The following CENPE variants were observed in gnomAD, a reference collection of about 807,000 sequenced individuals.
The protein encoded by CENPE is centromere-associated protein E.
In CENPE, 145 loss-of-function variants were observed where a neutral mutation model predicts 336.1. The ratio of observed to expected loss-of-function variants is 0.43; its 90% confidence interval spans 0.38 to 0.50. CENPE has a LOEUF of 0.50. Ranked by LOEUF, CENPE falls within the 20% of genes least tolerant of loss-of-function variation. The pLI is 0.00. For synonymous variants in CENPE, 1,013 were observed against 984.8 expected, an observed-to-expected ratio of 1.03 and a Z score of -0.54; for missense variants, 2,719 against 3,023.3, an observed-to-expected ratio of 0.90 and a Z score of 2.36.
chr4:103,175,038 T>C (rs1214839260), intron 15 of CENPE, 135 bp from the exon 16 acceptor site: 41 of 518,428 alleles, frequency 7.9e-5, no homozygotes, highest in Non-Finnish European at 1.2e-4. Context: ...TTTGGCAAAC[T>C]AGCTAACTTA....
intron 22 of CENPE, 36 bp downstream of exon 22, chr4:103,158,974 T>G (rs540751277): frequency 6.5e-7 from 1 of 1,532,606 alleles, no homozygotes; most frequent in African/African-American, 1.4e-5. Flanking sequence ...CCCAGAAGAC[T>G]AAGGAGCATT....
intron 16 of CENPE, 119 bp downstream of exon 16, chr4:103,174,615 AAC>A (rs1196591715): frequency 6.2e-6 from 4 of 650,140 alleles, no homozygotes; most frequent in Non-Finnish European, 7.3e-6. Context: ...GTATACAATA[AAC>A]ACATAAAATG....
rs139594258 is a variant in CENPE at position 103,139,877 on chromosome 4, T to G, written c.6116A>C (p.Lys2039Thr). Residue 2039 changes from lysine (K) to threonine (T), a missense_variant, in exon 38 of 49, where the codon AAA becomes ACA. Transcript: ENST00000265148. ...TATCCTCCTTAGCTCATCTCTTTCT[T>G]TAGCTACAATTCTTATTTCTTCAAG... Reference protein sequence around the residue: ...ESLEEIRIVAKERDELRRIKE... With the variant: ...ESLEEIRIVATERDELRRIKE... The G allele has an allele frequency of 1.2e-5, 19 of 1,613,210 alleles. No individual in the cohort carries two copies. The highest frequency in any genetic ancestry group is 2.7e-5 in the African/African-American group (2 of 74,916).
At chr4:103,115,162 T>C (rs778483558) in intron 45 of CENPE, among the ~76,000 whole-genome samples, 3 of 151,918 alleles carry the variant, frequency 2.0e-5, no homozygotes, top group African/African-American at 4.8e-5. Flanking sequence ...AGACGAAGTC[T>C]TGGTCTTGTC....
intron 11 of CENPE, 124 bp from the exon 12 acceptor site, chr4:103,181,580 A>G: frequency 4.1e-6 from 3 of 740,600 alleles, no homozygotes; most frequent in Non-Finnish European, 6.2e-6. Flanking sequence ...TTGGCTTAAT[A>G]CTTTTGAACA....
At position 103,112,554 on chromosome 4, in the gene CENPE, GTGTA is replaced by G. The variant is rs202168557; in HGVS notation, c.7541-1547_7541-1544del. ...CATATATACACTTATAAGTATATATGTGTATGTATGTATATATACTTATAAATGT... is the reference window on the plus strand; with the variant it reads ...CATATATACACTTATAAGTATATATGTGTATGTATATATACTTATAAATGT... On this transcript the variant is annotated intron_variant, in intron 46 of 48. Transcript: ENST00000265148. Among the ~76,000 whole-genome samples, 955 of 140,750 alleles carry G rather than the reference GTGTA, an allele frequency of 6.8e-3. 15 individuals are homozygous for G. Among genetic ancestry groups the G allele is most frequent in the African/African-American group, 0.024 (913 of 38,840 alleles). The allele number at this position is 140,750 out of a possible 152,430, so 92.3% of individuals were successfully genotyped here.
chr4:103,198,190 G>A, intron 1 of CENPE, 74 bp downstream of exon 1: 3 of 1,419,406 alleles, frequency 2.1e-6, no homozygotes, highest in African/African-American at 1.4e-5. Flanking sequence ...TGGAAACATC[G>A]TAGGCCTCGC....
chr4:103,196,387 A>AT (rs1757736713), intron 2 of CENPE, 135 bp from the exon 3 acceptor site: 11 of 726,488 alleles, frequency 1.5e-5, no homozygotes, highest in Admixed American at 1.1e-4. Flanking sequence ...AAGACACAGT[A>AT]TTTTTTTCAA....
At chr4:103,174,049 C>T (rs192610822) in intron 16 of CENPE, among the ~76,000 whole-genome samples, 1 of 151,976 alleles carries the variant, frequency 6.6e-6, no homozygotes, top group East Asian at 1.9e-4. Flanking sequence ...TATCTGCATT[C>T]CCATATTTAC....
intron 28 of CENPE, among the ~76,000 whole-genome samples, chr4:103,148,322 C>T (rs1018038174): frequency 2.0e-5 from 3 of 152,166 alleles, no homozygotes; most frequent in Admixed American, 6.5e-5. Flanking sequence ...CAGATGGGCT[C>T]CAATGCTATG....
At chr4:103,141,348 G>T (rs777396081) in intron 35 of CENPE, among the ~76,000 whole-genome samples, 3 of 152,042 alleles carry the variant, frequency 2.0e-5, no homozygotes, top group Non-Finnish European at 4.4e-5. Context: ...TTAAAACAGA[G>T]AATATTTCTA....
At position 103,146,076 on chromosome 4, in the gene CENPE, G is replaced by A; in HGVS notation, c.4166C>T (p.Ser1389Phe). 6.2e-7 allele frequency: 1 copy of A among 1,613,466 alleles called. No individual in the cohort carries two copies. Among genetic ancestry groups the A allele is most frequent in the Non-Finnish European group, 8.5e-7 (1 of 1,179,784 alleles). Residue 1389 changes from serine (S) to phenylalanine (F), a missense_variant, in exon 30 of 49, where the codon TCC (serine) becomes TTC (phenylalanine). By Grantham distance (155) the Ser-to-Phe change is radical. Coordinates refer to ENST00000265148, the MANE Select transcript of CENPE (RefSeq NM_001813.3). ...IQESQSKQEQ[S>F]LNMKEKDNET... The stretch of plus-strand genomic sequence containing the variant: ...ATTGTCTTTTTCTTTCATATTTAAG[G>A]ACTGTTCTTGTTTGCTTTGAGACTC...
intron 17 of CENPE, 32 bp downstream of exon 17, chr4:103,163,447 T>TATAGAAC (rs773306652): frequency 2.8e-6 from 4 of 1,446,868 alleles, no homozygotes; most frequent in Non-Finnish European, 1.9e-6. Flanking sequence ...TTCTAATTGC[T>TATAGAAC]TATCAATAGA....
Position 103,134,356 on chromosome 4 carries a change from C to T in CENPE, c.6523-464G>A, listed in dbSNP as rs567895319. Among the ~76,000 whole-genome samples, 86 of 152,144 alleles carry T rather than the reference C, an allele frequency of 5.7e-4. 1 individual carries two copies. The highest frequency in any genetic ancestry group is 8.3e-4 in the South Asian group (4 of 4,826). ...CATGCCTCAAGACTTCCTTGTCGGC[C>T]GGACATGGTGGCTCATGCCTGTAAT... On this transcript the variant is annotated intron_variant, in intron 40 of 48. Transcript: ENST00000265148.
intron 46 of CENPE, 106 bp from the exon 47 acceptor site, chr4:103,111,117 G>T (rs1007357663): frequency 2.7e-6 from 2 of 731,256 alleles, no homozygotes; most frequent in Non-Finnish European, 2.1e-6. Context: ...GACCCAAACA[G>T]CTCAAGTCTT....
rs1480757819 is a variant in CENPE, at chr4:103,141,811, G to T, written c.5402C>A (p.Thr1801Lys). 3.8e-6 allele frequency: 6 copies of T among 1,577,698 alleles called. No individual in the cohort carries two copies. Among genetic ancestry groups the T allele is most frequent in the Middle Eastern group, 3.3e-4 (2 of 5,982 alleles). ...DKLRGIVSEK[T>K]DKLSNMQKDL... ...TTTTTGCATATTTGATAGTTTATCT[G>T]TCTTCTCAGAAACAATTCCTCTGAG... Residue 1801 changes from threonine to lysine, a missense_variant, in exon 35 of 49, where the codon ACA becomes AAA. Transcript: ENST00000265148.
In CENPE at chr4:103,183,082, A is replaced by G. The variant is rs3765086; in HGVS notation, c.833+119T>C. On this transcript the variant is annotated intron_variant, in intron 10 of 48. Coordinates refer to ENST00000265148, the MANE Select transcript of CENPE (RefSeq NM_001813.3). ...AATTCAGTAGATTATAATCATATGT[A>G]TAAGTTTTTGAATATATGGAAGAAA... 154,990 of 892,876 alleles carry G rather than the reference A, an allele frequency of 0.17. 14,774 individuals are homozygous for G. The highest frequency in any genetic ancestry group is 0.29 in the South Asian group (16,045 of 54,640). 55.3% of individuals were successfully genotyped at this position (892,876 alleles called of 1,614,324 possible). A position where few individuals can be genotyped will look rare whatever the true frequency, so the allele number is the denominator to read the frequency against.
intron 28 of CENPE, among the ~76,000 whole-genome samples, chr4:103,148,085 C>T (rs550619037): frequency 3.3e-5 from 5 of 152,200 alleles, no homozygotes; most frequent in Admixed American, 6.5e-5. Context: ...CCTTGGATCA[C>T]AAACTGCTCA....
At chr4:103,150,290 G>GA (rs1426981716) in intron 26 of CENPE, among the ~76,000 whole-genome samples, 1 of 151,966 alleles carries the variant, frequency 6.6e-6, no homozygotes, top group East Asian at 1.9e-4. Flanking sequence ...CACATATTAA[G>GA]AAAAAAACAG....
Sources: gnomAD v4.1 joint callset for allele counts (sites outside exome capture counted in the v4.1 genomes callset) on GRCh38, gnomAD v4.1.1 for gene constraint, MANE v1.5 for transcripts, NCBI Gene and HGNC (gene_info 2026-07-23, HGNC 2026-07-21) for gene names.